Variants in ASCC3 observed in about 807,000 individuals in gnomAD.
The protein encoded by ASCC3 is ASC-1 complex subunit P200.
A neutral mutation model predicts 256.3 loss-of-function variants in ASCC3; 158 were observed. The ratio of observed to expected loss-of-function variants is 0.62; its 90% confidence interval spans 0.54 to 0.70. The LOEUF is 0.70. ASCC3 is among the 30% of genes least tolerant of loss of function. ASCC3 has a pLI of 0.00. For missense variants in ASCC3, 2,259 were observed against 2,626.0 expected, an observed-to-expected ratio of 0.86 and a Z score of 3.05; for synonymous variants, 948 against 883.4, an observed-to-expected ratio of 1.07 and a Z score of -1.30.
intron 37 of ASCC3, among the ~76,000 whole-genome samples, chr6:100,532,154 C>T (rs919198780): frequency 1.3e-5 from 2 of 151,134 alleles, no homozygotes; most frequent in African/African-American, 4.8e-5. Flanking sequence ...TTAATGACTT[C>T]TTATTTTGTT....
chr6:100,650,109 T>G (rs189250388), intron 20 of ASCC3, among the ~76,000 whole-genome samples: 67 of 151,812 alleles, frequency 4.4e-4, no homozygotes, highest in African/African-American at 1.5e-3. Flanking sequence ...ACGCCTTGTT[T>G]AATGATTAAA....
chr6:100,787,915 G>A (rs571001621), intron 8 of ASCC3, among the ~76,000 whole-genome samples: 10 of 150,804 alleles, frequency 6.6e-5, no homozygotes, highest in Non-Finnish European at 1.0e-4. Context: ...TAATAACCTC[G>A]CGTGAGGCAA....
At chr6:100,517,859 C>G (rs1774110550) in intron 38 of ASCC3, 132 bp downstream of exon 38, 1 of 1,040,880 alleles carries the variant, frequency 9.6e-7, no homozygotes, top group Non-Finnish European at 1.4e-6. Context: ...ATGTCTCACT[C>G]TGGGAAACAG....
At chr6:100,547,764 T>G (rs1043342023) in intron 36 of ASCC3, among the ~76,000 whole-genome samples, 2 of 151,914 alleles carry the variant, frequency 1.3e-5, no homozygotes, top group African/African-American at 4.8e-5. Flanking sequence ...ACACCCACCA[T>G]GTGATCTAGC....
intron 8 of ASCC3, among the ~76,000 whole-genome samples, chr6:100,798,398 T>A (rs937068288): frequency 3.9e-5 from 6 of 152,072 alleles, no homozygotes; most frequent in Non-Finnish European, 8.8e-5. Context: ...TCATTTGATA[T>A]AATCAAATAC....
At chr6:100,803,165 T>G (rs115290592) in intron 5 of ASCC3, among the ~76,000 whole-genome samples, 2,230 of 152,178 alleles carry the variant, frequency 0.015, 45 homozygotes, top group African/African-American at 0.051. Context: ...CTCATAAACC[T>G]TGCTGGCTTA....
Position 100,564,151 on chromosome 6 carries a change from G to GT in ASCC3, c.5551-23765dup, listed in dbSNP as rs1361705060. ...TTGTACATATTCATGGGGTACATGT[G>GT]TTTTTTTTTTTAATACGTGCATACA... On this transcript the variant is annotated intron_variant, in intron 36 of 41. Transcript: ENST00000369162. Among the ~76,000 whole-genome samples, 140 of 143,736 alleles carry GT rather than the reference G, an allele frequency of 9.7e-4. 1 individual carries two copies. In the South Asian group the frequency reaches 0.011, roughly 12 times the overall value. The allele number at this position is 143,736 out of a possible 152,430, so 94.3% of individuals were successfully genotyped here. A position where few individuals can be genotyped will look rare whatever the true frequency, so the allele number is the denominator to read the frequency against.
At chr6:100,653,980 T>A (rs1376700013) in intron 17 of ASCC3, among the ~76,000 whole-genome samples, 2 of 152,036 alleles carry the variant, frequency 1.3e-5, no homozygotes, top group African/African-American at 4.8e-5. Flanking sequence ...ACTACTACCA[T>A]TTGTTCTAAC....
intron 37 of ASCC3, among the ~76,000 whole-genome samples, chr6:100,524,059 A>G (rs561024017): frequency 1.2e-3 from 190 of 152,270 alleles, no homozygotes; most frequent in African/African-American, 4.5e-3. Context: ...CTTCACAGAA[A>G]GGGGAACTTA....
intron 4 of ASCC3, among the ~76,000 whole-genome samples, chr6:100,808,547 A>G (rs1452631635): frequency 6.6e-6 from 1 of 152,006 alleles, no homozygotes; most frequent in Non-Finnish European, 1.5e-5. Context: ...GATTGATTAC[A>G]GAAGCAGGTA....
chr6:100,589,381 T>C (rs1771869777), intron 36 of ASCC3, among the ~76,000 whole-genome samples: 1 of 152,024 alleles, frequency 6.6e-6, no homozygotes, highest in South Asian at 2.1e-4. Flanking sequence ...GACAGTCCAG[T>C]TTACATCTAC....
chr6:100,725,430 C>A, intron 11 of ASCC3, 109 bp downstream of exon 11: 1 of 1,186,040 alleles, frequency 8.4e-7, no homozygotes, highest in South Asian at 1.3e-5. Context: ...AAGATTATGT[C>A]AATATTAGAT....
intron 4 of ASCC3, among the ~76,000 whole-genome samples, chr6:100,839,015 T>C (rs1410414136): frequency 3.9e-5 from 6 of 152,112 alleles, no homozygotes; most frequent in Admixed American, 3.9e-4. Flanking sequence ...CAAATACGAT[T>C]AACAGAAACA....
Position 100,745,708 on chromosome 6 carries a change from C to T in ASCC3, c.1738-20005G>A, listed in dbSNP as rs141520482. 1.6e-3 allele frequency among the ~76,000 whole-genome samples: 245 copies of T among 152,184 alleles called. 1 individual carries two copies. The highest frequency in any genetic ancestry group is 5.5e-3 in the African/African-American group (229 of 41,524). On this transcript the variant is annotated intron_variant, in intron 10 of 41. Transcript: ENST00000369162. ...GGTAACTACTGAACAGTTGAAATCA[C>T]GCTAATTGCAAATGAGGAAAATAAT...
At chr6:100,589,842 T>G in intron 35 of ASCC3, 74 bp from the exon 36 acceptor site, 1 of 1,600,134 alleles carries the variant, frequency 6.2e-7, no homozygotes, top group Non-Finnish European at 8.5e-7. Flanking sequence ...TTCAGACAGG[T>G]GCTTTTGAAA....
intron 4 of ASCC3, among the ~76,000 whole-genome samples, chr6:100,833,083 A>T (rs1333549035): frequency 6.6e-6 from 1 of 152,144 alleles, no homozygotes; most frequent in African/African-American, 2.4e-5. Flanking sequence ...GAATAAACAA[A>T]TTGTACTATA....
intron 10 of ASCC3, among the ~76,000 whole-genome samples, chr6:100,752,348 G>C (rs1035191047): frequency 1.3e-5 from 2 of 152,016 alleles, no homozygotes; most frequent in African/African-American, 4.8e-5. Flanking sequence ...TAATCTCTAA[G>C]TACAGCACAT....
At chr6:100,585,275 G>A (rs377084612) in intron 36 of ASCC3, among the ~76,000 whole-genome samples, 2,384 of 152,104 alleles carry the variant, frequency 0.016, 25 homozygotes, top group East Asian at 0.045. Flanking sequence ...GGCTTTGTTC[G>A]TTTCTTTTTA....
intron 6 of ASCC3, 62 bp downstream of exon 6, chr6:100,800,238 A>G (rs1769842233): frequency 2.6e-6 from 4 of 1,538,472 alleles, no homozygotes; most frequent in Middle Eastern, 1.7e-4. Context: ...CTAAAAAGTG[A>G]TAATGATATG....
Sources: gnomAD v4.1 joint callset for allele counts (sites outside exome capture counted in the v4.1 genomes callset) on GRCh38, gnomAD v4.1.1 for gene constraint, MANE v1.5 for transcripts, NCBI Gene and HGNC (gene_info 2026-07-23, HGNC 2026-07-21) for gene names.